Variants in LEPR observed in about 807,000 individuals in gnomAD.
LEPR encodes OB receptor.
Under a neutral mutation model 114.7 loss-of-function variants are expected in LEPR, and 56 were observed. The ratio of observed to expected loss-of-function variants is 0.49; its 90% CI spans 0.39 to 0.61. The LOEUF is 0.61. LEPR is among the 20% of genes least tolerant of loss of function. The pLI, the probability that LEPR is intolerant of heterozygous loss-of-function variation, is 0.00. For missense variants in LEPR, 1,202 were observed against 1,352.9 expected (o/e 0.89, Z 1.75); for synonymous variants, 443 against 461.4 (o/e 0.96, Z 0.51).
At chr1:65,546,646 G>A (rs889885635) in intron 2 of LEPR, among the ~76,000 whole-genome samples, 12 of 152,290 alleles carry the variant, frequency 7.9e-5, no homozygotes, top group Admixed American at 6.5e-4. Context: ...TGCGATTTTT[G>A]TACATTGATT....
At chr1:65,505,017 G>C (rs1228112424) in intron 2 of LEPR, among the ~76,000 whole-genome samples, 1 of 152,122 alleles carries the variant, frequency 6.6e-6, no homozygotes, top group Non-Finnish European at 1.5e-5. Flanking sequence ...CTCAAGTGCT[G>C]TCAACGTGCA....
intron 19 of LEPR, chr1:65,635,319 G>A (rs545803926): frequency 2.0e-6 from 2 of 982,034 alleles, no homozygotes; most frequent in Admixed American, 6.2e-5. Context: ...TTTTTTCAAT[G>A]TGTTTACATT....
At chr1:65,567,405 A>G (rs1381748307) in intron 3 of LEPR, among the ~76,000 whole-genome samples, 3 of 152,202 alleles carry the variant, frequency 2.0e-5, no homozygotes, top group African/African-American at 7.2e-5. Context: ...TCCCTCAAAA[A>G]ACTATTCTGT....
chr1:65,545,905 T>C (rs1027944061), intron 2 of LEPR, among the ~76,000 whole-genome samples: 596 of 152,122 alleles, frequency 3.9e-3, no homozygotes, highest in Non-Finnish European at 6.1e-3. Flanking sequence ...TGAGTGGTAA[T>C]GCCTAGGTTT....
At chr1:65,627,129 C>T (rs192799839) in intron 19 of LEPR, among the ~76,000 whole-genome samples, 80 of 152,252 alleles carry the variant, frequency 5.3e-4, no homozygotes, top group Non-Finnish European at 9.4e-4. Flanking sequence ...CTTGCTCACC[C>T]AGCCTGTCCA....
chr1:65,582,710 C>A (rs1346783005), intron 5 of LEPR, among the ~76,000 whole-genome samples: 1 of 152,200 alleles, frequency 6.6e-6, no homozygotes, highest in South Asian at 2.1e-4. Context: ...TAAGGCAAAC[C>A]CTTTGTTACG....
At chr1:65,466,469 A>C (rs899420862) in intron 2 of LEPR, among the ~76,000 whole-genome samples, 5 of 151,982 alleles carry the variant, frequency 3.3e-5, no homozygotes, top group African/African-American at 9.7e-5. Context: ...TTTTTCCTTC[A>C]TTTCGACCTT....
At chr1:65,629,270 C>T in intron 19 of LEPR, 1 of 379,624 alleles carries the variant, frequency 2.6e-6, no homozygotes, top group South Asian at 2.0e-5. Flanking sequence ...CACTCTTACG[C>T]TTCCCTCCAT....
chr1:65,435,385 T>G (rs80096549), intron 2 of LEPR: 1 of 874,680 alleles, frequency 1.1e-6, no homozygotes, highest in South Asian at 5.3e-5. Flanking sequence ...TTTTTTTTTT[T>G]GAGGCAGAGT....
intron 19 of LEPR, 112 bp from the exon 20 acceptor site, chr1:65,636,079 T>A: frequency 8.1e-7 from 1 of 1,233,766 alleles, no homozygotes; most frequent in South Asian, 1.3e-5. Flanking sequence ...TAATTTGTGG[T>A]TGACTTATGT....
At chr1:65,582,324 C>A (rs1413407384) in intron 5 of LEPR, among the ~76,000 whole-genome samples, 1 of 152,104 alleles carries the variant, frequency 6.6e-6, no homozygotes, top group African/African-American at 2.4e-5. Flanking sequence ...TGTCAGCCAC[C>A]AGGACTGCAG....
At chr1:65,568,776 T>C (rs1280253531) in intron 3 of LEPR, among the ~76,000 whole-genome samples, 1 of 152,240 alleles carries the variant, frequency 6.6e-6, no homozygotes, top group Non-Finnish European at 1.5e-5. Flanking sequence ...GTTGTACAAA[T>C]TTACATTGCC....
rs1044633032 is a variant in LEPR, at chr1:65,434,042, T to A, written c.-21+8664T>A. 4.1e-6 allele frequency: 4 copies of A among 985,256 alleles called. No individual in the cohort carries two copies. In the African/African-American group the frequency reaches 7.0e-5, roughly 17 times the overall value. 61.0% of individuals were successfully genotyped at this position (985,256 alleles called of 1,614,324 possible). A position where few individuals can be genotyped will look rare whatever the true frequency, so the allele number is the denominator to read the frequency against. On this transcript the variant is annotated intron_variant, in intron 2 of 19. Coordinates refer to ENST00000349533, the MANE Select transcript of LEPR (RefSeq NM_002303.6). ...ATTTTGCAAAAGTGTTTTTGTTGCT[T>A]ATACACATTTTCAATAACCAAGGTA...
In LEPR at chr1:65,616,072, G is replaced by A; in HGVS notation, c.2060G>A (p.Cys687Tyr). ...TATGTGATAAACCATCATACTTCCT[G>A]CAATGGAACATGGTCAGAAGATGTG... is the stretch of plus-strand genomic sequence containing the variant. ...QRYVINHHTS[C>Y]NGTWSEDVGN... Residue 687 changes from cysteine (C) to tyrosine (Y), a missense_variant, in exon 15 of 20, where the codon TGC (cysteine) becomes TAC (tyrosine). Physicochemically the swap from Cys to Tyr is radical, Grantham distance 194. Coordinates refer to ENST00000349533, the MANE Select transcript of LEPR (RefSeq NM_002303.6). 2 of 1,614,162 alleles carry A rather than the reference G, an allele frequency of 1.2e-6. No homozygotes were observed. Among genetic ancestry groups the A allele is most frequent in the South Asian group, 1.1e-5 (1 of 91,082 alleles).
chr1:65,517,040 C>T (rs1009249645), intron 2 of LEPR, among the ~76,000 whole-genome samples: 19 of 152,138 alleles, frequency 1.2e-4, no homozygotes, highest in Non-Finnish European at 2.2e-4. Context: ...TTTAGTGTTT[C>T]GAGTAATCTC....
intron 7 of LEPR, among the ~76,000 whole-genome samples, chr1:65,597,244 C>T (rs1215740584): frequency 1.3e-5 from 2 of 152,080 alleles, no homozygotes; most frequent in Non-Finnish European, 2.9e-5. Flanking sequence ...GGACTTAGCC[C>T]ACATACCCCG....
intron 2 of LEPR, among the ~76,000 whole-genome samples, chr1:65,556,746 G>C (rs753229086): frequency 9.2e-5 from 14 of 152,144 alleles, no homozygotes; most frequent in African/African-American, 2.9e-4. Context: ...GCCAGGGCAG[G>C]CTCCTTTAGA....
chr1:65,426,850 T>G (rs768979959), intron 2 of LEPR, among the ~76,000 whole-genome samples: 30 of 152,012 alleles, frequency 2.0e-4, no homozygotes, highest in Non-Finnish European at 3.8e-4. Context: ...TACAAAAAAT[T>G]AGCTGGGCGT....
intron 14 of LEPR, among the ~76,000 whole-genome samples, chr1:65,615,118 T>C (rs1657448210): frequency 6.6e-6 from 1 of 152,244 alleles, no homozygotes; most frequent in Non-Finnish European, 1.5e-5. Flanking sequence ...CCTATCCAGA[T>C]GATTCCAAGT....
Sources: gnomAD v4.1 joint callset for allele counts (sites outside exome capture counted in the v4.1 genomes callset) on GRCh38, gnomAD v4.1.1 for gene constraint, MANE v1.5 for transcripts, NCBI Gene and HGNC (gene_info 2026-07-23, HGNC 2026-07-21) for gene names.